SDHC: variants seen among roughly 807,000 people sequenced by gnomAD.
SDHC encodes the protein succinate dehydrogenase cytochrome b560 subunit, mitochondrial.
Under a neutral mutation model 22.6 loss-of-function variants are expected in SDHC, and 11 were observed. The observed-to-expected ratio is 0.49, with a 90% confidence interval of 0.31 to 0.81. The LOEUF (loss-of-function observed/expected upper bound fraction) is 0.81, where lower values mean the gene tolerates loss of function less well. Among genes scored for constraint, SDHC ranks in the 30% least tolerant of loss-of-function variants. The pLI, the probability that SDHC is intolerant of heterozygous loss-of-function variation, is 0.05. For missense variants in SDHC, 160 were observed against 212.0 expected, an observed-to-expected ratio of 0.75 and a Z score of 1.52; for synonymous variants, 80 against 77.8, an observed-to-expected ratio of 1.03 and a Z score of -0.15.
intron 2 of SDHC, among the ~76,000 whole-genome samples, chr1:161,325,984 G>C (rs1313262801): frequency 6.6e-6 from 1 of 152,068 alleles, no homozygotes; most frequent in Non-Finnish European, 1.5e-5. Context: ...CAGATCACGA[G>C]GCCAAGAGAT....
intron 5 of SDHC, among the ~76,000 whole-genome samples, chr1:161,361,712 G>A (rs909244771): frequency 1.3e-5 from 2 of 152,012 alleles, no homozygotes; most frequent in South Asian, 2.1e-4. Context: ...GCGTGGTGGC[G>A]TGTGCCTCTA....
intron 3 of SDHC, among the ~76,000 whole-genome samples, chr1:161,337,061 GTTTTT>G (rs1255364549): frequency 7.5e-6 from 1 of 133,900 alleles, no homozygotes. Context: ...GTAGAAATGG[GTTTTT>G]TTTTTTTTTT....
At chr1:161,351,179 C>G (rs1265014629) in intron 4 of SDHC, among the ~76,000 whole-genome samples, 2 of 152,116 alleles carry the variant, frequency 1.3e-5, no homozygotes, top group African/African-American at 4.8e-5. Context: ...AAATTAGTTC[C>G]TCCATTTGCT....
intron 3 of SDHC, chr1:161,339,671 T>A: frequency 2.9e-6 from 1 of 339,138 alleles, no homozygotes; most frequent in Non-Finnish European, 4.6e-6. Context: ...TGTTTTTTTT[T>A]TTTTTTTTTT....
intron 1 of SDHC, 177 bp downstream of exon 1, chr1:161,314,602 C>T (rs1056322941): frequency 4.2e-6 from 3 of 710,714 alleles, no homozygotes; most frequent in African/African-American, 3.5e-5. Flanking sequence ...CCAGCCGCTC[C>T]GGTGCGCTCC....
At chr1:161,322,065 A>AT (rs1385225789) in intron 1 of SDHC, among the ~76,000 whole-genome samples, 5 of 152,072 alleles carry the variant, frequency 3.3e-5, no homozygotes, top group Non-Finnish European at 7.4e-5. Context: ...AGGATTTCTG[A>AT]TTTTTTTCAG....
At chr1:161,328,696 A>G (rs1234428656) in intron 3 of SDHC, among the ~76,000 whole-genome samples, 199 bp downstream of exon 3, 1 of 152,256 alleles carries the variant, frequency 6.6e-6, no homozygotes, top group Non-Finnish European at 1.5e-5. Flanking sequence ...ACTAAATTCT[A>G]TCTTGTCATT....
chr1:161,351,936 G>A (rs1672111409), intron 4 of SDHC, among the ~76,000 whole-genome samples: 1 of 152,184 alleles, frequency 6.6e-6, no homozygotes, highest in South Asian at 2.1e-4. Context: ...ATGACTTCTG[G>A]AAGTGACAAT....
intron 3 of SDHC, among the ~76,000 whole-genome samples, chr1:161,340,386 G>C (rs943104561): frequency 5.3e-5 from 8 of 151,382 alleles, no homozygotes; most frequent in African/African-American, 1.9e-4. Context: ...CTATTCAGGA[G>C]AATTGCTTGG....
chr1:161,356,349 G>A (rs1672270873), intron 4 of SDHC, among the ~76,000 whole-genome samples: 1 of 152,100 alleles, frequency 6.6e-6, no homozygotes, highest in Non-Finnish European at 1.5e-5. Context: ...GACCAGCCTG[G>A]CCAACTTGGT....
chr1:161,342,715 G>A (rs1281373690), intron 4 of SDHC, among the ~76,000 whole-genome samples: 1 of 151,894 alleles, frequency 6.6e-6, no homozygotes, highest in Non-Finnish European at 1.5e-5. Context: ...TGGGGTTTCT[G>A]AACTCCTGAC....
At chr1:161,317,697 G>A (rs995607495) in intron 1 of SDHC, among the ~76,000 whole-genome samples, 1 of 150,740 alleles carries the variant, frequency 6.6e-6, no homozygotes, top group Non-Finnish European at 1.5e-5. Context: ...AAGCAGCTAG[G>A]ACTACAGGCG....
Position 161,315,575 on chromosome 1 carries a change from A to C in SDHC, c.20+1150A>C, listed in dbSNP as rs141390211. 2.4e-3 allele frequency among the ~76,000 whole-genome samples: 363 copies of C among 152,318 alleles called. 1 individual carries two copies. Among genetic ancestry groups the C allele is most frequent in the African/African-American group, 8.2e-3 (342 of 41,570 alleles). On this transcript the variant is annotated intron_variant, in intron 1 of 5. Coordinates refer to ENST00000367975, the MANE Select transcript of SDHC (RefSeq NM_003001.5). Reference sequence around the variant, plus strand: ...GGGGCTTTTGGTAAAATTAACATTTAGTTTGAAGTGATCATATTGGTTCCA... The same window carrying C: ...GGGGCTTTTGGTAAAATTAACATTTCGTTTGAAGTGATCATATTGGTTCCA...
At chr1:161,344,743 A>G (rs893875796) in intron 4 of SDHC, among the ~76,000 whole-genome samples, 1 of 152,230 alleles carries the variant, frequency 6.6e-6, no homozygotes. Context: ...AAATGGGCAT[A>G]TTAATAATGC....
intron 3 of SDHC, among the ~76,000 whole-genome samples, chr1:161,331,751 A>G (rs541117275): frequency 4.2e-4 from 64 of 151,426 alleles, no homozygotes; most frequent in African/African-American, 1.5e-3. Flanking sequence ...GCACACCACC[A>G]TACCTGGCTA....
At chr1:161,359,412 T>C (rs544549273) in intron 5 of SDHC, among the ~76,000 whole-genome samples, 1 of 152,182 alleles carries the variant, frequency 6.6e-6, no homozygotes, top group Non-Finnish European at 1.5e-5. Context: ...TTAAAATGAC[T>C]TTTTACTTCC....
chr1:161,356,136 C>T (rs907647586), intron 4 of SDHC, among the ~76,000 whole-genome samples: 5 of 151,898 alleles, frequency 3.3e-5, no homozygotes, highest in East Asian at 1.9e-4. Context: ...TTTATAGAGA[C>T]GGATGTTGAA....
intron 1 of SDHC, among the ~76,000 whole-genome samples, chr1:161,319,262 G>C (rs1196015467): frequency 6.6e-6 from 1 of 151,674 alleles, no homozygotes; most frequent in Non-Finnish European, 1.5e-5. Flanking sequence ...AAGTACTGTG[G>C]TACTATGGAT....
intron 4 of SDHC, among the ~76,000 whole-genome samples, chr1:161,347,339 C>T (rs1452233254): frequency 6.6e-6 from 1 of 152,034 alleles, no homozygotes; most frequent in Non-Finnish European, 1.5e-5. Flanking sequence ...ACTGCAACCT[C>T]CGCCTGCCAG....
Sources: gnomAD v4.1 joint callset for allele counts (sites outside exome capture counted in the v4.1 genomes callset) on GRCh38, gnomAD v4.1.1 for gene constraint, MANE v1.5 for transcripts, NCBI Gene and HGNC (gene_info 2026-07-23, HGNC 2026-07-21) for gene names.